CDH13: variants seen among roughly 807,000 people sequenced by gnomAD.
The protein encoded by CDH13 is cadherin-13.
CDH13 carries 24 observed loss-of-function variants against 63.8 expected under a neutral mutation model. The observed-to-expected ratio is 0.38, with a 90% CI of 0.27 to 0.53. The LOEUF (loss-of-function observed/expected upper bound fraction) is 0.53. Ranked by LOEUF, CDH13 falls within the 20% of genes least tolerant of loss-of-function variation. The pLI, the probability that CDH13 is intolerant of heterozygous loss-of-function variation, is 0.85. For missense variants in CDH13, 1,049 were observed against 903.1 expected, an observed-to-expected ratio of 1.16 and a Z score of -2.07; for synonymous variants, 503 against 355.3, an observed-to-expected ratio of 1.42 and a Z score of -4.67.
chr16:82,720,280 G>A (rs780998432), intron 1 of CDH13, among the ~76,000 whole-genome samples: 1 of 152,112 alleles, frequency 6.6e-6, no homozygotes, highest in Non-Finnish European at 1.5e-5. Flanking sequence ...CCAACTAATG[G>A]CAGACTGACT....
At chr16:83,653,261 A>G (rs1240848583) in intron 8 of CDH13, among the ~76,000 whole-genome samples, 2 of 152,144 alleles carry the variant, frequency 1.3e-5, no homozygotes, top group Non-Finnish European at 2.9e-5. Flanking sequence ...ATGTACTGGA[A>G]TCCATTCATA....
At chr16:82,834,064 A>G (rs1448903992) in intron 1 of CDH13, among the ~76,000 whole-genome samples, 5 of 152,184 alleles carry the variant, frequency 3.3e-5, no homozygotes, top group African/African-American at 1.2e-4. Flanking sequence ...TAGCCAGCTC[A>G]TCTGCTTTCA....
rs1490203716 is a variant in CDH13, at chr16:83,796,618, C to G, written c.*1588C>G. 1.3e-5 allele frequency: 2 copies of G among 152,078 alleles called. No individual in the cohort carries two copies. The highest frequency in any genetic ancestry group is 2.9e-5 in the Non-Finnish European group (2 of 68,026). 9.4% of individuals were successfully genotyped at this position (152,078 alleles called of 1,614,324 possible). On this transcript the variant is annotated 3_prime_UTR_variant, in exon 14 of 14. Coordinates refer to ENST00000567109, the MANE Select transcript of CDH13 (RefSeq NM_001257.5). ...AAAACTGCTGGACAGTAACTGTTCT[C>G]TGATTTCTATCTTGTGTCCAATGTC...
chr16:82,996,549 T>G (rs945382681), intron 2 of CDH13, among the ~76,000 whole-genome samples: 3 of 152,208 alleles, frequency 2.0e-5, no homozygotes, highest in African/African-American at 7.2e-5. Context: ...GGTGATACAT[T>G]GAAATCAGCA....
rs918389026 is a variant in CDH13 at position 83,800,042 on chromosome 16, G to A, written c.*5012G>A. 3 of 152,148 alleles carry A rather than the reference G, an allele frequency of 2.0e-5. No homozygotes were observed. The highest frequency in any genetic ancestry group is 7.2e-5 in the African/African-American group (3 of 41,406). 9.4% of individuals were successfully genotyped at this position (152,148 alleles called of 1,614,324 possible). On this transcript the variant is annotated 3_prime_UTR_variant, in exon 14 of 14. Transcript: ENST00000567109. ...AATTTCCTCTCTCTCATACTATGTT[G>A]CTATCATCACATCTATCGTTGGAGG...
At chr16:83,230,183 G>A (rs2151801875) in intron 5 of CDH13, among the ~76,000 whole-genome samples, 1 of 152,270 alleles carries the variant, frequency 6.6e-6, no homozygotes, top group East Asian at 1.9e-4. Context: ...AGTTTTTATT[G>A]CAGAACCTAA....
intron 1 of CDH13, among the ~76,000 whole-genome samples, chr16:82,682,204 A>T (rs1238288255): frequency 1.3e-5 from 2 of 152,256 alleles, no homozygotes; most frequent in African/African-American, 4.8e-5. Context: ...GTTCCTGGAC[A>T]TTAGCATAAA....
chr16:83,090,661 C>T (rs565914802), intron 3 of CDH13, among the ~76,000 whole-genome samples: 48 of 152,064 alleles, frequency 3.2e-4, no homozygotes, highest in African/African-American at 1.1e-3. Context: ...TCTGCACTCT[C>T]GGTAATCCCT....
At chr16:82,698,967 T>G (rs922150094) in intron 1 of CDH13, among the ~76,000 whole-genome samples, 3 of 152,226 alleles carry the variant, frequency 2.0e-5, no homozygotes, top group African/African-American at 7.2e-5. Context: ...AACAGAGATA[T>G]TCTTAGCTTC....
At chr16:82,640,474 C>G (rs1909261104) in intron 1 of CDH13, among the ~76,000 whole-genome samples, 1 of 152,132 alleles carries the variant, frequency 6.6e-6, no homozygotes, top group African/African-American at 2.4e-5. Flanking sequence ...GCTGGTTTCT[C>G]TTGAAACTGT....
At chr16:83,471,205 T>C (rs1236759551) in intron 6 of CDH13, among the ~76,000 whole-genome samples, 1 of 151,960 alleles carries the variant, frequency 6.6e-6, no homozygotes, top group Admixed American at 6.6e-5. Context: ...TAAGATAACA[T>C]GGTAAGATAT....
intron 2 of CDH13, among the ~76,000 whole-genome samples, chr16:82,985,284 C>T (rs1910793674): frequency 6.6e-6 from 1 of 152,100 alleles, no homozygotes; most frequent in African/African-American, 2.4e-5. Context: ...AGTTGAAAGG[C>T]ATCTCTATTA....
At chr16:83,077,970 C>G (rs2032968792) in intron 3 of CDH13, among the ~76,000 whole-genome samples, 1 of 151,860 alleles carries the variant, frequency 6.6e-6, no homozygotes, top group Non-Finnish European at 1.5e-5. Flanking sequence ...TGCTTATTGA[C>G]CATTCTGTTC....
intron 6 of CDH13, among the ~76,000 whole-genome samples, chr16:83,484,182 G>A (rs1007235901): frequency 1.3e-5 from 2 of 152,100 alleles, no homozygotes; most frequent in African/African-American, 2.4e-5. Flanking sequence ...TTCCAGTGGT[G>A]GGGGAAAAAA....
intron 1 of CDH13, among the ~76,000 whole-genome samples, chr16:82,759,473 C>T (rs1341647577): frequency 2.6e-5 from 4 of 151,382 alleles, no homozygotes; most frequent in Admixed American, 6.6e-5. Flanking sequence ...TTCTGTAAGG[C>T]AAAAACTCAT....
At chr16:83,676,688 C>A (rs1366246379) in intron 9 of CDH13, among the ~76,000 whole-genome samples, 4 of 152,200 alleles carry the variant, frequency 2.6e-5, no homozygotes, top group Non-Finnish European at 5.9e-5. Flanking sequence ...ACTGACCCTG[C>A]TGGGAGTTGT....
rs79185242 is a variant in CDH13 at position 83,027,102 on chromosome 16, A to ACC, written c.158-4897_158-4896dup. 2.6e-3 allele frequency among the ~76,000 whole-genome samples: 261 copies of ACC among 100,928 alleles called. 2 individuals carry two copies. Among genetic ancestry groups the ACC allele is most frequent in the Middle Eastern group, 5.8e-3 (1 of 172 alleles). The allele number at this position is 100,928 out of a possible 152,430, so 66.2% of individuals were successfully genotyped here. On this transcript the variant is annotated intron_variant, in intron 2 of 13. Transcript: ENST00000567109. ...CTCTTGCTCACAGCACAGAAGGGAG[A>ACC]CCCCCCCCCCCCACCGCCCCGCCTC...
In CDH13 at chr16:82,644,465, T is replaced by C. The variant is rs963588063; in HGVS notation, c.45+17328T>C. Among the ~76,000 whole-genome samples the C allele has an allele frequency of 6.6e-6, 1 of 152,132 alleles. No individual in the cohort carries two copies. Among genetic ancestry groups the C allele is most frequent in the African/African-American group, 2.4e-5 (1 of 41,412 alleles). Reference sequence around the variant, plus strand: ...TTGATGATTTCTATCCTTTGTCATGTTGAAAATGCTGAGTGACAAAGCCAT... The same window carrying C: ...TTGATGATTTCTATCCTTTGTCATGCTGAAAATGCTGAGTGACAAAGCCAT... On this transcript the variant is annotated intron_variant, in intron 1 of 13. Transcript: ENST00000567109. This position sits in a 1 kb window ranked among gnomAD's most constrained non-coding sequence, Gnocchi z 5.7.
intron 3 of CDH13, among the ~76,000 whole-genome samples, chr16:83,086,470 C>T (rs2033601178): frequency 6.6e-6 from 1 of 152,138 alleles, no homozygotes; most frequent in South Asian, 2.1e-4. Flanking sequence ...TATTGCAGTA[C>T]AGTGGAGCTG....
Sources: gnomAD v4.1 joint callset for allele counts (sites outside exome capture counted in the v4.1 genomes callset) on GRCh38, gnomAD v4.1.1 for gene constraint, Gnocchi (gnomAD v3.1) non-coding constraint, MANE v1.5 for transcripts, NCBI Gene and HGNC (gene_info 2026-07-23, HGNC 2026-07-21) for gene names.